Variants in ASIC1 observed in about 807,000 individuals in gnomAD.
ASIC1 encodes acid sensing ion channel subunit 1.
In ASIC1, 21 loss-of-function variants were observed where a neutral mutation model predicts 63.4. That is an observed-to-expected ratio of 0.33 (90% confidence interval 0.23 to 0.48). ASIC1 has a LOEUF of 0.48. Among genes scored for constraint, ASIC1 ranks in the 20% least tolerant of loss-of-function variants. ASIC1 has a pLI of 0.99. For missense variants in ASIC1, 478 were observed against 695.5 expected, an observed-to-expected ratio of 0.69 and a Z score of 3.52; for synonymous variants, 258 against 278.2, an observed-to-expected ratio of 0.93 and a Z score of 0.72.
At chr12:50,070,728 C>G (rs751192512) in intron 3 of ASIC1, 3 of 152,224 alleles carry the variant, frequency 2.0e-5, no homozygotes, top group Non-Finnish European at 4.4e-5. Context: ...AAGCCTCAGC[C>G]CCACTCCACC....
At chr12:50,076,938 C>T (rs775474435) in intron 3 of ASIC1, 1 of 593,322 alleles carries the variant, frequency 1.7e-6, no homozygotes, top group South Asian at 1.5e-5. Flanking sequence ...GAGCCATTAC[C>T]AATACCTCCC....
intron 3 of ASIC1, 92 bp from the exon 4 acceptor site, chr12:50,077,121 T>TG (rs1950663013): frequency 5.1e-6 from 8 of 1,556,602 alleles, no homozygotes; most frequent in Non-Finnish European, 7.1e-6. Flanking sequence ...CAAAGGGTGT[T>TG]GAGATTCCAA....
intron 3 of ASIC1, among the ~76,000 whole-genome samples, chr12:50,069,171 G>A (rs575925631): frequency 4.6e-5 from 7 of 151,562 alleles, no homozygotes; most frequent in Admixed American, 2.0e-4. Flanking sequence ...CCTCCACAGC[G>A]GTAAGCGCTA....
rs1950685400 is a variant in ASIC1, at chr12:50,078,810, C to T, written c.995-114C>T. ...ACTTCTGGGGCAGCATGGGGGCCTGCCAGTCCTCCCTTCCCATCTTCTCCC... is the reference window on the plus strand; with the variant it reads ...ACTTCTGGGGCAGCATGGGGGCCTGTCAGTCCTCCCTTCCCATCTTCTCCC... On this transcript the variant is annotated intron_variant, in intron 6 of 11. Coordinates refer to ENST00000447966, the MANE Select transcript of ASIC1 (RefSeq NM_001095.4). This position sits in a 1 kb window ranked among gnomAD's most constrained non-coding sequence, Gnocchi z 6.0. 7.3e-7 allele frequency: 1 copy of T among 1,371,018 alleles called. No homozygotes were observed. The highest frequency in any genetic ancestry group is 1.0e-6 in the Non-Finnish European group (1 of 962,764). The allele number at this position is 1,371,018 out of a possible 1,614,324, so 84.9% of individuals were successfully genotyped here.
chr12:50,060,153 C>G (rs1466960644), intron 3 of ASIC1, among the ~76,000 whole-genome samples, 199 bp downstream of exon 3: 1 of 152,194 alleles, frequency 6.6e-6, no homozygotes, highest in Non-Finnish European at 1.5e-5. Context: ...TGAGCCTCAG[C>G]CTTGCAGCCA....
At chr12:50,069,416 C>T (rs1950577776) in intron 3 of ASIC1, among the ~76,000 whole-genome samples, 1 of 152,116 alleles carries the variant, frequency 6.6e-6, no homozygotes, top group African/African-American at 2.4e-5. Context: ...GCCTCAGCCT[C>T]CCAAGTAGCT....
At chr12:50,069,156 T>G (rs1950573652) in intron 3 of ASIC1, among the ~76,000 whole-genome samples, 1 of 152,086 alleles carries the variant, frequency 6.6e-6, no homozygotes. Context: ...TGGAATATCC[T>G]CCCTCCTCCA....
rs1383435262 is a variant in ASIC1 at position 50,078,474 on chromosome 12, G to A, written c.891G>A (p.Ser297=). 1 of 1,614,046 alleles carries A rather than the reference G, an allele frequency of 6.2e-7. No individual in the cohort carries two copies. The highest frequency in any genetic ancestry group is 8.5e-7 in the Non-Finnish European group (1 of 1,179,982). The change falls in exon 6 of 12, where the codon TCG becomes TCA. Residue 297 remains serine (S), a synonymous_variant. Transcript: ENST00000447966. This position sits in a 1 kb window ranked among gnomAD's most constrained non-coding sequence, Gnocchi z 6.0. ...CCTGCAAAGCTGTTACCATGGACTC[G>A]GATTTGGATTTCTTCGACTCCTACA... ...WGTCKAVTMD[S]DLDFFDSYSI...
At chr12:50,058,077 G>T (rs1005759136) in intron 1 of ASIC1, among the ~76,000 whole-genome samples, 161 bp downstream of exon 1, 4 of 151,054 alleles carry the variant, frequency 2.6e-5, no homozygotes, top group African/African-American at 9.7e-5. Flanking sequence ...AAGCTGGACT[G>T]GGGGGGGCTG....
rs370019939 is a variant in ASIC1, at chr12:50,059,871, G to A, written c.475G>A (p.Asp159Asn). 2.2e-5 allele frequency: 35 copies of A among 1,614,040 alleles called. No homozygotes were observed. The highest frequency in any genetic ancestry group is 1.6e-4 in the Middle Eastern group (1 of 6,084). ...PKPFNMREFY[D>N]RAGHDIRDML... is the part of the protein sequence containing the mutation. ...ACCCTTCAACATGCGTGAGTTCTAC[G>A]ACCGAGCTGGGCACGACATTCGAGA... Residue 159 changes from aspartate to asparagine, a missense_variant, in exon 3 of 12, where the codon GAC becomes AAC. Coordinates refer to ENST00000447966, the MANE Select transcript of ASIC1 (RefSeq NM_001095.4). This position sits in a 1 kb window ranked among gnomAD's most constrained non-coding sequence, Gnocchi z 4.6.
Position 50,059,162 on chromosome 12 carries a change from C to T in ASIC1, c.362+34C>T. Reference sequence around the variant, plus strand: ...CTCCCACCCTCCCTCAGCCCTGCTCCTGGAGTTGCTTGAGTTCCAGTCAGG... The same window carrying T: ...CTCCCACCCTCCCTCAGCCCTGCTCTTGGAGTTGCTTGAGTTCCAGTCAGG... On this transcript the variant is annotated intron_variant, in intron 2 of 11. Coordinates refer to ENST00000447966, the MANE Select transcript of ASIC1 (RefSeq NM_001095.4). The surrounding 1 kb of genome is among the most constrained non-coding windows in gnomAD (Gnocchi z 4.6). 6.2e-7 allele frequency: 1 copy of T among 1,602,100 alleles called. No homozygotes were observed.
chr12:50,065,419 C>A (rs567712048), intron 3 of ASIC1, among the ~76,000 whole-genome samples: 15 of 152,152 alleles, frequency 9.9e-5, no homozygotes, highest in Non-Finnish European at 2.2e-4. Context: ...AGCTTCTAAG[C>A]CCAATCTCCT....
rs1950680138 is a variant in ASIC1, at chr12:50,078,385, C to T, written c.838-36C>T. ...CCATCAAGCTGATTTGGGGAGAAGT[C>T]CCCGCACTCCCCCAGCTCCCCGGCT... On this transcript the variant is annotated intron_variant, in intron 5 of 11. Transcript: ENST00000447966. This position sits in a 1 kb window ranked among gnomAD's most constrained non-coding sequence, Gnocchi z 6.0. The T allele has an allele frequency of 1.2e-6, 2 of 1,609,860 alleles. No individual in the cohort carries two copies. Among genetic ancestry groups the T allele is most frequent in the South Asian group, 1.1e-5 (1 of 90,450 alleles).
In ASIC1 at chr12:50,078,313, G is replaced by T; in HGVS notation, c.838-108G>T. ...CTCTGAGACCTTTGGAGGCTGCAGAGGGAGAGGGGAGCAGAACTCCAGAGA... is the reference window on the plus strand; with the variant it reads ...CTCTGAGACCTTTGGAGGCTGCAGATGGAGAGGGGAGCAGAACTCCAGAGA... On this transcript the variant is annotated intron_variant, in intron 5 of 11. Transcript: ENST00000447966. This position sits in a 1 kb window ranked among gnomAD's most constrained non-coding sequence, Gnocchi z 6.0. 1 of 1,529,144 alleles carries T rather than the reference G, an allele frequency of 6.5e-7. No individual in the cohort carries two copies. The allele number at this position is 1,529,144 out of a possible 1,614,324, so 94.7% of individuals were successfully genotyped here.
intron 3 of ASIC1, among the ~76,000 whole-genome samples, chr12:50,066,726 T>C (rs1197531189): frequency 6.6e-6 from 1 of 152,216 alleles, no homozygotes; most frequent in East Asian, 1.9e-4. Context: ...TACTTCGAAC[T>C]TCTCCACTCT....
chr12:50,073,994 C>G, intron 3 of ASIC1: 1 of 1,535,742 alleles, frequency 6.5e-7, no homozygotes, highest in Non-Finnish European at 8.7e-7. Flanking sequence ...CCGGCAGTCA[C>G]CCTCTGCAAC....
At chr12:50,081,492 A>T in intron 11 of ASIC1, 53 bp from the exon 12 acceptor site, 1 of 1,583,610 alleles carries the variant, frequency 6.3e-7, no homozygotes, top group South Asian at 1.1e-5. Context: ...CCCCAGCACT[A>T]CCTGAAGCCC....
chr12:50,068,355 T>C (rs10875995), intron 3 of ASIC1, among the ~76,000 whole-genome samples: 40,606 of 152,122 alleles, frequency 0.27, 6,059 homozygotes, highest in Non-Finnish European at 0.35. Context: ...TTGGTTGATA[T>C]ATGCACTCAT....
intron 3 of ASIC1, among the ~76,000 whole-genome samples, chr12:50,062,922 G>A (rs1206391135): frequency 6.6e-6 from 1 of 152,218 alleles, no homozygotes; most frequent in Non-Finnish European, 1.5e-5. Context: ...AATATGGGGA[G>A]CCTGAGCTGA....
Sources: allele counts gnomAD v4.1 joint callset (sites outside exome capture counted in the v4.1 genomes callset), GRCh38; gene constraint gnomAD v4.1.1; non-coding constraint Gnocchi (gnomAD v3.1); transcripts MANE v1.5; gene names NCBI Gene and HGNC (gene_info 2026-07-23, HGNC 2026-07-21).